Variants in RNF150 observed in about 807,000 individuals in gnomAD.
RNF150 encodes the protein ring finger protein 150.
RNF150 carries 24 observed loss-of-function variants against 39.3 expected under a neutral mutation model. The ratio of observed to expected loss-of-function variants is 0.61; its 90% confidence interval spans 0.44 to 0.86. The LOEUF (loss-of-function observed/expected upper bound fraction) is 0.86. Ranked by LOEUF, RNF150 falls within the 40% of genes least tolerant of loss-of-function variation. RNF150 has a pLI of 0.00. For missense variants in RNF150, 502 were observed against 587.8 expected (o/e 0.85, Z 1.51); for synonymous variants, 255 against 227.3 (o/e 1.12, Z -1.10).
chr4:140,959,750 C>T (rs956140878), intron 2 of RNF150, among the ~76,000 whole-genome samples: 2 of 152,014 alleles, frequency 1.3e-5, no homozygotes, highest in African/African-American at 2.4e-5. Flanking sequence ...TCATTGTGCA[C>T]TGGGAAGGCA....
intron 1 of RNF150, among the ~76,000 whole-genome samples, chr4:141,150,994 C>T (rs1424012492): frequency 6.6e-6 from 1 of 152,124 alleles, no homozygotes; most frequent in Non-Finnish European, 1.5e-5. Context: ...TGTCATGGCA[C>T]AATCATAGCT....
At chr4:141,091,824 G>A (rs1319121767) in intron 1 of RNF150, among the ~76,000 whole-genome samples, 3 of 152,136 alleles carry the variant, frequency 2.0e-5, no homozygotes, top group Non-Finnish European at 4.4e-5. Flanking sequence ...AGAACTACAA[G>A]AATAGGCCAG....
intron 4 of RNF150, among the ~76,000 whole-genome samples, chr4:140,946,703 G>T (rs1449029944): frequency 6.6e-6 from 1 of 152,042 alleles, no homozygotes; most frequent in Non-Finnish European, 1.5e-5. Context: ...ACAGAGTCTT[G>T]CTATATTGCC....
At chr4:141,116,434 G>A (rs10034835) in intron 1 of RNF150, among the ~76,000 whole-genome samples, 117,023 of 152,136 alleles carry the variant, frequency 0.77, 46,055 homozygotes, top group East Asian at 0.88. Flanking sequence ...TCAAAACCAC[G>A]ATGAGATACC....
At chr4:140,926,248 G>A (rs1456701697) in intron 4 of RNF150, among the ~76,000 whole-genome samples, 175 bp from the exon 5 acceptor site, 3 of 152,170 alleles carry the variant, frequency 2.0e-5, no homozygotes, top group Non-Finnish European at 4.4e-5. Flanking sequence ...TGGTGATATA[G>A]TCAAAATCTG....
At chr4:141,164,873 A>G (rs747485078) in intron 1 of RNF150, among the ~76,000 whole-genome samples, 1 of 152,218 alleles carries the variant, frequency 6.6e-6, no homozygotes, top group Non-Finnish European at 1.5e-5. Flanking sequence ...CATTGACACT[A>G]TAAGAAACTG....
chr4:141,102,115 A>G (rs1463873796), intron 1 of RNF150, among the ~76,000 whole-genome samples: 1 of 152,124 alleles, frequency 6.6e-6, no homozygotes, highest in Non-Finnish European at 1.5e-5. Context: ...CCACCATTAT[A>G]TATGTGGTTT....
intron 1 of RNF150, among the ~76,000 whole-genome samples, chr4:140,981,771 C>A (rs1227188493): frequency 1.3e-5 from 2 of 152,148 alleles, no homozygotes; most frequent in African/African-American, 2.4e-5. Flanking sequence ...TAAGGTGAGA[C>A]AGAATATCAC....
At chr4:141,018,095 A>G (rs762445021) in intron 1 of RNF150, among the ~76,000 whole-genome samples, 1 of 152,206 alleles carries the variant, frequency 6.6e-6, no homozygotes, top group Non-Finnish European at 1.5e-5. Context: ...TTTCCTAACT[A>G]TTAATAGAAA....
chr4:141,044,505 C>T (rs1736488608), intron 1 of RNF150, among the ~76,000 whole-genome samples: 2 of 152,116 alleles, frequency 1.3e-5, no homozygotes, highest in African/African-American at 4.8e-5. Flanking sequence ...TTTTAATATC[C>T]ACTTTAATTC....
intron 1 of RNF150, among the ~76,000 whole-genome samples, chr4:141,009,623 T>C (rs186195340): frequency 3.3e-5 from 5 of 152,334 alleles, no homozygotes; most frequent in Admixed American, 3.3e-4. Context: ...TATTATTATT[T>C]TCTACCCATT....
chr4:140,881,616 T>G (rs183717482), intron 6 of RNF150, among the ~76,000 whole-genome samples: 2 of 152,098 alleles, frequency 1.3e-5, no homozygotes, highest in East Asian at 3.9e-4. Flanking sequence ...GGCTCATGCC[T>G]GTAAACTCAG....
At chr4:141,107,767 C>G (rs1333791832) in intron 1 of RNF150, among the ~76,000 whole-genome samples, 1 of 152,054 alleles carries the variant, frequency 6.6e-6, no homozygotes, top group Non-Finnish European at 1.5e-5. Flanking sequence ...TAGAAAAGAG[C>G]AAACCATTTT....
At chr4:141,006,434 CCCTGGGA>C (rs2110732819) in intron 1 of RNF150, among the ~76,000 whole-genome samples, 1 of 152,186 alleles carries the variant, frequency 6.6e-6, no homozygotes, top group South Asian at 2.1e-4. Context: ...TCAACAAGAT[CCCTGGGA>C]AAGTGACATC....
intron 1 of RNF150, among the ~76,000 whole-genome samples, chr4:141,027,068 G>T (rs1473804133): frequency 6.6e-6 from 1 of 152,156 alleles, no homozygotes; most frequent in Non-Finnish European, 1.5e-5. Flanking sequence ...CCTTCTCCCA[G>T]TTAAATACAG....
At chr4:140,968,359 A>T (rs1353855914) in intron 1 of RNF150, among the ~76,000 whole-genome samples, 1 of 152,000 alleles carries the variant, frequency 6.6e-6, no homozygotes, top group Non-Finnish European at 1.5e-5. Flanking sequence ...TCAACTATAG[A>T]TCTCTCTATA....
At chr4:141,186,847 A>T (rs55780803) in intron 1 of RNF150, among the ~76,000 whole-genome samples, 10 of 151,650 alleles carry the variant, frequency 6.6e-5, no homozygotes, top group African/African-American at 2.2e-4. Context: ...TCATGTCTCT[A>T]TCTCCTTCAG....
intron 5 of RNF150, among the ~76,000 whole-genome samples, chr4:140,921,341 T>G (rs1731134201): frequency 6.6e-6 from 1 of 151,662 alleles, no homozygotes. Flanking sequence ...TATAAACACC[T>G]CTACACGAAT....
chr4:140,890,247 CCTTAT>C (rs1391955142), intron 6 of RNF150, among the ~76,000 whole-genome samples: 1 of 152,100 alleles, frequency 6.6e-6, no homozygotes, highest in Non-Finnish European at 1.5e-5. Context: ...ACTTATTTTT[CCTTAT>C]CTTGTTTTCA....
Sources: allele counts gnomAD v4.1 joint callset (sites outside exome capture counted in the v4.1 genomes callset), GRCh38; gene constraint gnomAD v4.1.1; transcripts MANE v1.5; gene names NCBI Gene and HGNC (gene_info 2026-07-23, HGNC 2026-07-21).